The following GPN1 variants were observed in gnomAD, a reference collection of about 807,000 sequenced individuals.
GPN1 encodes ATP(GTP)-binding protein.
GPN1 carries 44 observed loss-of-function variants against 55.9 expected under a neutral mutation model. That is an observed-to-expected ratio of 0.79 (90% CI 0.62 to 1.01). The LOEUF (loss-of-function observed/expected upper bound fraction) is 1.01. Ranked by LOEUF, GPN1 falls within the 50% of genes least tolerant of loss-of-function variation. GPN1 has a pLI of 0.00. For missense variants in GPN1, 466 were observed against 462.8 expected (o/e 1.01, Z -0.06); for synonymous variants, 179 against 162.5 (o/e 1.10, Z -0.77).
intron 1 of GPN1, chr2:27,629,562 A>C (rs1673448008): frequency 1.4e-6 from 1 of 709,698 alleles, no homozygotes; most frequent in East Asian, 2.7e-5. Flanking sequence ...AGCGAAAATG[A>C]GGTTGACAAG....
intron 1 of GPN1, chr2:27,629,386 T>C (rs970307725): frequency 1.5e-5 from 24 of 1,551,152 alleles, no homozygotes; most frequent in Non-Finnish European, 2.1e-5. Flanking sequence ...GCATACTCGG[T>C]CCAGCTTACC....
At position 27,629,185 on chromosome 2, in the gene GPN1, T is replaced by C; in HGVS notation, c.111+16T>C. 1 of 1,613,416 alleles carries C rather than the reference T, an allele frequency of 6.2e-7. No homozygotes were observed. The highest frequency in any genetic ancestry group is 1.6e-4 in the Middle Eastern group (1 of 6,062). ...TTTTGTACAGGTGACGTACACAGCA[T>C]GGGTGTAGTAGGGGAGCGCAAAAGG... On this transcript the variant is annotated intron_variant, in intron 1 of 13. Transcript: ENST00000610189.
chr2:27,635,333 C>T, intron 7 of GPN1, 99 bp downstream of exon 7: 1 of 574,334 alleles, frequency 1.7e-6, no homozygotes, highest in Non-Finnish European at 2.9e-6. Context: ...GGTTGCTTAC[C>T]CCTGGATTTG....
intron 5 of GPN1, among the ~76,000 whole-genome samples, chr2:27,633,424 G>T (rs4666006): frequency 0.48 from 73,498 of 152,022 alleles, 18,613 homozygotes; most frequent in East Asian, 0.88. Context: ...TCCCACCTCA[G>T]CCTCCCAAGT....
At chr2:27,632,038 GAGA>G (rs1483263626) in intron 4 of GPN1, 138 bp downstream of exon 4, 2 of 663,172 alleles carry the variant, frequency 3.0e-6, no homozygotes, top group Non-Finnish European at 5.4e-6. Flanking sequence ...TTGTCAGACA[GAGA>G]AGTAGACTAT....
rs1270960091 is a variant in GPN1, at chr2:27,650,456, AC to A, written c.*257del. On this transcript the variant is annotated 3_prime_UTR_variant, in exon 14 of 14. Transcript: ENST00000610189. ...GCAAGGAAGGATATACTGAGCTGAT[AC>A]TCTTCCAAGCCTACAACTTCAAGTT... 4.0e-6 allele frequency: 1 copy of A among 247,858 alleles called. No homozygotes were observed. Among genetic ancestry groups the A allele is most frequent in the African/African-American group, 2.3e-5 (1 of 44,384 alleles). 15.4% of individuals were successfully genotyped at this position (247,858 alleles called of 1,614,324 possible).
chr2:27,646,957 AACT>A (rs1197756056), intron 12 of GPN1, among the ~76,000 whole-genome samples: 2 of 152,240 alleles, frequency 1.3e-5, no homozygotes, highest in Non-Finnish European at 2.9e-5. Flanking sequence ...TCAATGTTAA[AACT>A]ACTGCTGCAA....
At chr2:27,649,202 ACCAT>A (rs1404761453) in intron 13 of GPN1, among the ~76,000 whole-genome samples, 1 of 151,604 alleles carries the variant, frequency 6.6e-6, no homozygotes, top group African/African-American at 2.4e-5. Flanking sequence ...CTGAGAGCTC[ACCAT>A]TGCACTCAGG....
chr2:27,647,352 C>T (rs1447407867), intron 12 of GPN1, among the ~76,000 whole-genome samples: 1 of 152,126 alleles, frequency 6.6e-6, no homozygotes, highest in Non-Finnish European at 1.5e-5. Context: ...TTTTCCCCTC[C>T]CTCCTCTTCT....
chr2:27,635,298 CT>C, intron 7 of GPN1, 64 bp downstream of exon 7: 1 of 445,288 alleles, frequency 2.2e-6, no homozygotes, highest in Admixed American at 5.7e-5. Flanking sequence ...CTTCTTCTTC[CT>C]CTTTTTTTTT....
At chr2:27,636,928 C>T (rs1673756763) in intron 7 of GPN1, among the ~76,000 whole-genome samples, 1 of 152,144 alleles carries the variant, frequency 6.6e-6, no homozygotes, top group African/African-American at 2.4e-5. Flanking sequence ...GGCAGTCCTC[C>T]CAGCGTGGCC....
chr2:27,650,072 C>T, intron 13 of GPN1, 43 bp from the exon 14 acceptor site: 2 of 1,064,514 alleles, frequency 1.9e-6, no homozygotes, highest in Non-Finnish European at 2.9e-6. Context: ...ATCAGTTTGT[C>T]TAATGAAAGA....
upstream of GPN1, chr2:27,628,952 G>A (rs1441671657): frequency 1.9e-6 from 3 of 1,556,672 alleles, no homozygotes; most frequent in South Asian, 1.2e-5. Context: ...CCCCTCACCC[G>A]CTCCTTTCTG....
rs1674458145 is a variant in GPN1 at position 27,650,177 on chromosome 2, TA to T, written c.1103del (p.Tyr368SerfsTer11). 1.9e-6 allele frequency: 3 copies of T among 1,599,638 alleles called. No homozygotes were observed. The highest frequency in any genetic ancestry group is 2.6e-6 in the Non-Finnish European group (3 of 1,167,076). On this transcript the variant is annotated frameshift_variant, in exon 14 of 14. Coordinates refer to ENST00000610189, the MANE Select transcript of GPN1 (RefSeq NM_007266.4). LOFTEE classifies it high-confidence loss of function. ...QNFMQESMAQ[Y>X]WKRNNK ...TTTTATGCAAGAATCGATGGCACAA[TA>T]CTGGAAGAGAAACAATAAATAGGAG... is the stretch of plus-strand genomic sequence containing the variant.
At chr2:27,633,108 G>A (rs903822583) in intron 5 of GPN1, among the ~76,000 whole-genome samples, 1 of 152,040 alleles carries the variant, frequency 6.6e-6, no homozygotes, top group African/African-American at 2.4e-5. Flanking sequence ...TGTTGTTCAA[G>A]GTTTACTTTT....
chr2:27,646,109 T>C (rs1393837448), intron 12 of GPN1, among the ~76,000 whole-genome samples: 1 of 152,196 alleles, frequency 6.6e-6, no homozygotes, highest in Non-Finnish European at 1.5e-5. Flanking sequence ...TGGCGCGATC[T>C]CGGCTCACTG....
chr2:27,650,237 A>G lies in GPN1; in HGVS notation c.*37A>G, dbSNP rs747672110. 1.1e-5 allele frequency: 14 copies of G among 1,232,348 alleles called. No individual in the cohort carries two copies. Among genetic ancestry groups the G allele is most frequent in the Non-Finnish European group, 1.7e-5 (14 of 836,544 alleles). 76.3% of individuals were successfully genotyped at this position (1,232,348 alleles called of 1,614,324 possible). A position where few individuals can be genotyped will look rare whatever the true frequency, so the allele number is the denominator to read the frequency against. On this transcript the variant is annotated 3_prime_UTR_variant, in exon 14 of 14. Transcript: ENST00000610189. ...ACACTTCACTTGTTTCTAGAAGTCC[A>G]GAATTTTGGACCTCCACGTGAAAGA...
At chr2:27,636,588 G>C (rs1673740565) in intron 7 of GPN1, among the ~76,000 whole-genome samples, 1 of 152,006 alleles carries the variant, frequency 6.6e-6, no homozygotes, top group Non-Finnish European at 1.5e-5. Context: ...TCCGCCTACT[G>C]GGTTCAGGTG....
At chr2:27,628,531 CGTA>C (rs1269889769), upstream of GPN1, 18 of 1,551,448 alleles carry the variant, frequency 1.2e-5, no homozygotes, top group African/African-American at 1.6e-4. Flanking sequence ...GGAAAGCTCC[CGTA>C]GTTTATTCGT....
Sources: allele counts gnomAD v4.1 joint callset (sites outside exome capture counted in the v4.1 genomes callset), GRCh38; gene constraint gnomAD v4.1.1; transcripts MANE v1.5; gene names NCBI Gene and HGNC (gene_info 2026-07-23, HGNC 2026-07-21).